TMEM161B: variants seen among roughly 807,000 people sequenced by gnomAD.
TMEM161B encodes transmembrane protein 161B.
Under a neutral mutation model 61.8 loss-of-function variants are expected in TMEM161B, and 34 were observed. The ratio of observed to expected loss-of-function variants is 0.55; its 90% CI spans 0.42 to 0.73. The LOEUF (loss-of-function observed/expected upper bound fraction) is 0.73. Among genes scored for constraint, TMEM161B ranks in the 30% least tolerant of loss-of-function variants. The pLI, the probability that TMEM161B is intolerant of heterozygous loss-of-function variation, is 0.00. For missense variants in TMEM161B, 456 were observed against 558.5 expected (o/e 0.82, Z 1.85); for synonymous variants, 167 against 192.8 (o/e 0.87, Z 1.11).
At chr5:88,213,061 A>G (rs1047191505) in intron 5 of TMEM161B, among the ~76,000 whole-genome samples, 3 of 152,172 alleles carry the variant, frequency 2.0e-5, no homozygotes, top group African/African-American at 4.8e-5. Flanking sequence ...GATCACTGCT[A>G]CTAAATAAAA....
chr5:88,220,149 T>C (rs1463350375), intron 5 of TMEM161B, among the ~76,000 whole-genome samples: 1 of 152,040 alleles, frequency 6.6e-6, no homozygotes, highest in Non-Finnish European at 1.5e-5. Context: ...AGGCACAACA[T>C]GGTAAAAGTG....
intron 1 of TMEM161B, among the ~76,000 whole-genome samples, chr5:88,258,005 C>T (rs1306257433): frequency 6.6e-6 from 1 of 152,016 alleles, no homozygotes; most frequent in Non-Finnish European, 1.5e-5. Flanking sequence ...CAGTGGCTAT[C>T]AAGAGAAAGA....
intron 9 of TMEM161B, chr5:88,202,097 GAGTT>G (rs1458555206): frequency 2.2e-6 from 1 of 452,612 alleles, no homozygotes; most frequent in Non-Finnish European, 4.4e-6. Context: ...ATAACCTTGT[GAGTT>G]AGATACTATT....
At chr5:88,259,192 C>G (rs1386767242) in intron 1 of TMEM161B, 2 of 152,140 alleles carry the variant, frequency 1.3e-5, no homozygotes. Flanking sequence ...TCTCTTTCCC[C>G]TAAAGGATTT....
At chr5:88,244,419 A>AT (rs1753265120) in intron 1 of TMEM161B, among the ~76,000 whole-genome samples, 1 of 151,276 alleles carries the variant, frequency 6.6e-6, no homozygotes, top group Non-Finnish European at 1.5e-5. Context: ...GTTTTTGTTG[A>AT]TTTTGTCAAA....
intron 5 of TMEM161B, among the ~76,000 whole-genome samples, chr5:88,211,161 C>T (rs1195210327): frequency 6.6e-6 from 1 of 150,896 alleles, no homozygotes; most frequent in Non-Finnish European, 1.5e-5. Flanking sequence ...AAAAAAAATA[C>T]GAGCTAAAAT....
At chr5:88,257,628 A>T (rs1302924995) in intron 1 of TMEM161B, among the ~76,000 whole-genome samples, 2 of 152,240 alleles carry the variant, frequency 1.3e-5, no homozygotes, top group African/African-American at 4.8e-5. Context: ...CATGTTGTCT[A>T]TGATTGCAAT....
intron 9 of TMEM161B, 31 bp downstream of exon 9, chr5:88,202,931 T>C (rs1012638367): frequency 8.5e-6 from 12 of 1,414,600 alleles, no homozygotes; most frequent in African/African-American, 1.4e-5. Flanking sequence ...GTTTTGGTGA[T>C]AAAAATCAGC....
At chr5:88,239,911 G>C (rs1294608240) in intron 2 of TMEM161B, among the ~76,000 whole-genome samples, 3 of 151,984 alleles carry the variant, frequency 2.0e-5, no homozygotes, top group South Asian at 4.1e-4. Flanking sequence ...CCAAAAGAAA[G>C]CAGTAACAAA....
intron 1 of TMEM161B, among the ~76,000 whole-genome samples, chr5:88,241,998 G>C (rs753078300): frequency 4.0e-5 from 6 of 151,670 alleles, no homozygotes; most frequent in Non-Finnish European, 8.9e-5. Flanking sequence ...CACTTTCTTT[G>C]ATTTTCAGGA....
At chr5:88,228,794 T>C (rs1366299236) in intron 2 of TMEM161B, among the ~76,000 whole-genome samples, 1 of 152,186 alleles carries the variant, frequency 6.6e-6, no homozygotes, top group Non-Finnish European at 1.5e-5. Context: ...AATGTATTAA[T>C]ACATATTAAG....
At chr5:88,202,940 G>T (rs372904340) in intron 9 of TMEM161B, 22 bp downstream of exon 9, 3 of 1,448,110 alleles carry the variant, frequency 2.1e-6, no homozygotes, top group East Asian at 4.6e-5. Flanking sequence ...ATAAAAATCA[G>T]CCCTCAAATG....
At chr5:88,265,076 A>ATGT (rs1756204857) in intron 1 of TMEM161B, among the ~76,000 whole-genome samples, 1 of 152,210 alleles carries the variant, frequency 6.6e-6, no homozygotes, top group Non-Finnish European at 1.5e-5. Context: ...TGTTCCGTAC[A>ATGT]TGTATCCCAG....
chr5:88,254,440 A>C (rs1036681625), intron 1 of TMEM161B, among the ~76,000 whole-genome samples: 6 of 152,320 alleles, frequency 3.9e-5, no homozygotes, highest in Middle Eastern at 3.4e-3. Flanking sequence ...GACAGCTAAA[A>C]TTTGTGAAAA....
At chr5:88,243,723 G>C (rs772314718) in intron 1 of TMEM161B, among the ~76,000 whole-genome samples, 2 of 151,876 alleles carry the variant, frequency 1.3e-5, no homozygotes, top group African/African-American at 2.4e-5. Flanking sequence ...CAGAGCATAA[G>C]TGATTCCTTA....
intron 1 of TMEM161B, among the ~76,000 whole-genome samples, chr5:88,241,517 A>T (rs1051093151): frequency 6.6e-6 from 1 of 151,930 alleles, no homozygotes; most frequent in Admixed American, 6.6e-5. Context: ...TACTCTACAC[A>T]CTAAAAACAT....
intron 8 of TMEM161B, among the ~76,000 whole-genome samples, 198 bp from the exon 9 acceptor site, chr5:88,203,273 T>C (rs1019905515): frequency 6.6e-6 from 1 of 152,146 alleles, no homozygotes; most frequent in Admixed American, 6.6e-5. Context: ...TATATCATTA[T>C]CTTAATTTTT....
At chr5:88,268,608 C>G (rs1756741594) in intron 1 of TMEM161B, 113 bp downstream of exon 1, 36 of 1,495,564 alleles carry the variant, frequency 2.4e-5, no homozygotes, top group Non-Finnish European at 3.2e-5. Flanking sequence ...GCAGCTCATC[C>G]CAACGTCTCA....
intron 4 of TMEM161B, 121 bp downstream of exon 4, chr5:88,225,648 T>C (rs751816820): frequency 5.3e-5 from 30 of 569,454 alleles, no homozygotes; most frequent in Non-Finnish European, 8.1e-5. Flanking sequence ...CATTTGAGCT[T>C]CTAAGTTCTT....
Sources: gnomAD v4.1 joint callset for allele counts (sites outside exome capture counted in the v4.1 genomes callset) on GRCh38, gnomAD v4.1.1 for gene constraint, MANE v1.5 for transcripts, NCBI Gene and HGNC (gene_info 2026-07-23, HGNC 2026-07-21) for gene names.